PALM2AKAP2: variants seen among roughly 807,000 people sequenced by gnomAD.
PALM2AKAP2 encodes PALM2 and AKAP2 fusion.
In PALM2AKAP2, 37 loss-of-function variants were observed where a neutral mutation model predicts 71.5. The ratio of observed to expected loss-of-function variants is 0.52; its 90% CI spans 0.40 to 0.68. The LOEUF (loss-of-function observed/expected upper bound fraction) is 0.68. Ranked by LOEUF, PALM2AKAP2 falls within the 30% of genes least tolerant of loss-of-function variation. PALM2AKAP2 has a pLI of 0.00. For missense variants in PALM2AKAP2, 1,224 were observed against 1,191.8 expected, an observed-to-expected ratio of 1.03 and a Z score of -0.40; for synonymous variants, 468 against 478.8, an observed-to-expected ratio of 0.98 and a Z score of 0.29.
intron 6 of PALM2AKAP2, chr9:109,945,167 A>G (rs1030388348): frequency 6.6e-6 from 1 of 152,082 alleles, no homozygotes; most frequent in African/African-American, 2.4e-5. Flanking sequence ...TAAAAACATC[A>G]GTTTTTACTT....
chr9:109,940,027 T>C (rs1268609939), intron 6 of PALM2AKAP2, among the ~76,000 whole-genome samples: 1 of 152,248 alleles, frequency 6.6e-6, no homozygotes, highest in Non-Finnish European at 1.5e-5. Flanking sequence ...CATTAATTAC[T>C]GTGTGTACCA....
chr9:109,971,219 A>G (rs1368465496), intron 6 of PALM2AKAP2, among the ~76,000 whole-genome samples: 4 of 150,142 alleles, frequency 2.7e-5, no homozygotes, highest in Non-Finnish European at 4.4e-5. Context: ...AATATCAGTG[A>G]ATGAATCCAT....
chr9:109,958,908 G>A (rs1831798711), intron 6 of PALM2AKAP2, among the ~76,000 whole-genome samples: 2 of 152,264 alleles, frequency 1.3e-5, no homozygotes, highest in African/African-American at 2.4e-5. Flanking sequence ...ATTCAGTGGG[G>A]GGAATACCTG....
At chr9:109,937,781 G>C (rs1046393847) in intron 6 of PALM2AKAP2, among the ~76,000 whole-genome samples, 6 of 152,114 alleles carry the variant, frequency 3.9e-5, no homozygotes, top group African/African-American at 1.2e-4. Flanking sequence ...AATTTCCAGA[G>C]CTTTCCTTCA....
At chr9:109,964,075 G>T (rs1487798347) in intron 6 of PALM2AKAP2, among the ~76,000 whole-genome samples, 1 of 152,212 alleles carries the variant, frequency 6.6e-6, no homozygotes, top group Admixed American at 6.5e-5. Context: ...AAGTATATTT[G>T]CCAACTTAGT....
intron 1 of PALM2AKAP2, among the ~76,000 whole-genome samples, chr9:110,066,452 T>C (rs56211411): frequency 0.042 from 6,385 of 152,268 alleles, 443 homozygotes; most frequent in African/African-American, 0.14. Flanking sequence ...ATCCCAGCAC[T>C]TTGGGAGGCT....
intron 6 of PALM2AKAP2, among the ~76,000 whole-genome samples, chr9:109,974,734 G>A (rs1832139877): frequency 6.6e-6 from 1 of 152,156 alleles, no homozygotes; most frequent in Admixed American, 6.5e-5. Context: ...CCCAGCACTA[G>A]GCCTGTCTTT....
chr9:110,136,848 A>G, exon 2 of PALM2AKAP2: 3 of 1,614,134 alleles, frequency 1.9e-6, no homozygotes, highest in Non-Finnish European at 2.5e-6. Flanking sequence ...AAAGAACAAT[A>G]CTGCATTAGA....
At chr9:109,743,108 C>A (rs1298616972) in intron 1 of PALM2AKAP2, among the ~76,000 whole-genome samples, 3 of 152,126 alleles carry the variant, frequency 2.0e-5, no homozygotes, top group Non-Finnish European at 4.4e-5. Context: ...AGCTGCTTCC[C>A]ATTCACCCTT....
chr9:110,084,720 C>CTTTG (rs199775396), intron 1 of PALM2AKAP2, among the ~76,000 whole-genome samples: 1 of 152,024 alleles, frequency 6.6e-6, no homozygotes, highest in Non-Finnish European at 1.5e-5. Flanking sequence ...TGCTACCATA[C>CTTTG]TTTGTTTGTT....
At chr9:109,766,396 G>A (rs566629472) in intron 1 of PALM2AKAP2, among the ~76,000 whole-genome samples, 1 of 152,316 alleles carries the variant, frequency 6.6e-6, no homozygotes, top group East Asian at 1.9e-4. Context: ...CAAGGGAGGG[G>A]TAGAAGATTA....
intron 1 of PALM2AKAP2, among the ~76,000 whole-genome samples, chr9:109,794,546 G>A (rs544833044): frequency 2.0e-5 from 3 of 152,144 alleles, no homozygotes; most frequent in Non-Finnish European, 4.4e-5. Context: ...AGCCAGAGAG[G>A]AGTGGTTTCT....
intron 1 of PALM2AKAP2, among the ~76,000 whole-genome samples, chr9:109,724,273 TG>T (rs905731578): frequency 2.6e-5 from 4 of 152,188 alleles, no homozygotes; most frequent in Admixed American, 6.5e-5. Context: ...ATCATGTTCT[TG>T]GGCAGGAAGT....
intron 1 of PALM2AKAP2, among the ~76,000 whole-genome samples, chr9:110,096,044 G>T (rs1479001676): frequency 1.3e-5 from 2 of 152,210 alleles, no homozygotes; most frequent in Non-Finnish European, 2.9e-5. Context: ...GCAGTTCCAT[G>T]ATACCCTTTT....
chr9:109,823,085 G>A lies in PALM2AKAP2; in HGVS notation c.45+42552G>A, dbSNP rs139965770. 5.2e-3 allele frequency among the ~76,000 whole-genome samples: 788 copies of A among 152,246 alleles called. 3 individuals are homozygous for A. The highest frequency in any genetic ancestry group is 6.7e-3 in the Non-Finnish European group (454 of 68,026). Reference sequence around the variant, plus strand: ...GCCCAGCCACATCAGAGAGACTCTCGTCAGATCAGCTATGGCCAGAGGTCA... The same window carrying A: ...GCCCAGCCACATCAGAGAGACTCTCATCAGATCAGCTATGGCCAGAGGTCA... On this transcript the variant is annotated intron_variant, in intron 1 of 9. Transcript: ENST00000302798.
At chr9:109,664,092 G>A (rs927558711) in intron 1 of PALM2AKAP2, among the ~76,000 whole-genome samples, 1 of 152,164 alleles carries the variant, frequency 6.6e-6, no homozygotes, top group Non-Finnish European at 1.5e-5. Context: ...CTTTGCACGT[G>A]AGATGGGTGT....
intron 1 of PALM2AKAP2, among the ~76,000 whole-genome samples, chr9:109,707,904 A>G (rs1489841634): frequency 6.6e-6 from 1 of 152,144 alleles, no homozygotes; most frequent in East Asian, 1.9e-4. Context: ...CTCCCATTTC[A>G]CAGATGAGGA....
chr9:109,932,796 G>GT (rs1195170997), intron 6 of PALM2AKAP2, among the ~76,000 whole-genome samples: 4 of 152,202 alleles, frequency 2.6e-5, no homozygotes, highest in Non-Finnish European at 4.4e-5. Context: ...TGCATGGTTA[G>GT]TTACAACATA....
intron 1 of PALM2AKAP2, among the ~76,000 whole-genome samples, chr9:109,764,055 C>T (rs1829104909): frequency 6.6e-6 from 1 of 152,130 alleles, no homozygotes; most frequent in Admixed American, 6.5e-5. Context: ...ACTATTCACC[C>T]AGGTACAGTC....
Sources: gnomAD v4.1 joint callset for allele counts (sites outside exome capture counted in the v4.1 genomes callset) on GRCh38, gnomAD v4.1.1 for gene constraint, MANE v1.5 for transcripts, NCBI Gene and HGNC (gene_info 2026-07-23, HGNC 2026-07-21) for gene names.